SLC10A7: variants seen among roughly 807,000 people sequenced by gnomAD.
SLC10A7 encodes the protein solute carrier family 10 member 7.
SLC10A7 carries 29 observed loss-of-function variants against 43.2 expected under a neutral mutation model. That is an observed-to-expected ratio of 0.67 (90% CI 0.50 to 0.92). The LOEUF (loss-of-function observed/expected upper bound fraction) is 0.92, where lower values mean the gene tolerates loss of function less well. SLC10A7 is among the 40% of genes least tolerant of loss of function. SLC10A7 has a pLI of 0.00. For synonymous variants in SLC10A7, 152 were observed against 144.8 expected, an observed-to-expected ratio of 1.05 and a Z score of -0.35; for missense variants, 295 against 403.2, an observed-to-expected ratio of 0.73 and a Z score of 2.30.
Position 146,521,884 on chromosome 4 carries a change from C to T in SLC10A7, c.-167G>A, listed in dbSNP as rs1043122509. 1.7e-6 allele frequency: 1 copy of T among 601,160 alleles called. No homozygotes were observed. Among genetic ancestry groups the T allele is most frequent in the East Asian group, 2.9e-5 (1 of 34,670 alleles). 37.2% of individuals were successfully genotyped at this position (601,160 alleles called of 1,614,324 possible). ...AGTAAAGACCTGGGGGTTGCTCCGG[C>T]GGCTTTGAGGAGGGTTGGGAGTAGT... On this transcript the variant is annotated 5_prime_UTR_variant, in exon 1 of 12. Coordinates refer to ENST00000335472, the MANE Select transcript of SLC10A7 (RefSeq NM_001029998.6).
At chr4:146,510,274 T>G (rs1342356642) in intron 2 of SLC10A7, among the ~76,000 whole-genome samples, 1 of 151,886 alleles carries the variant, frequency 6.6e-6, no homozygotes, top group East Asian at 1.9e-4. Context: ...TTTTTTTTTT[T>G]TTTGAGATGG....
At chr4:146,508,272 T>C (rs1737114243) in intron 3 of SLC10A7, among the ~76,000 whole-genome samples, 2 of 152,214 alleles carry the variant, frequency 1.3e-5, no homozygotes, top group Admixed American at 6.5e-5. Flanking sequence ...TACATATATA[T>C]GTCCTTTATA....
At chr4:146,455,254 A>G (rs1731945185) in intron 4 of SLC10A7, among the ~76,000 whole-genome samples, 1 of 151,854 alleles carries the variant, frequency 6.6e-6, no homozygotes, top group African/African-American at 2.4e-5. Flanking sequence ...CAGCACAGAA[A>G]TTAACTTTAA....
intron 10 of SLC10A7, among the ~76,000 whole-genome samples, chr4:146,282,918 G>A (rs945592377): frequency 6.6e-6 from 1 of 152,068 alleles, no homozygotes; most frequent in Non-Finnish European, 1.5e-5. Context: ...CTGCTCTAAT[G>A]TTACATTCTA....
At chr4:146,463,206 G>T (rs892337290) in intron 4 of SLC10A7, among the ~76,000 whole-genome samples, 2 of 152,110 alleles carry the variant, frequency 1.3e-5, no homozygotes, top group African/African-American at 4.8e-5. Context: ...AAATACATGT[G>T]TCTATAAAAT....
rs200455318 is a variant in SLC10A7 at position 146,442,809 on chromosome 4, A to G, written c.409T>C (p.Phe137Leu). ...AAAAAACTTCCAAAGGCTGAATTAA[A>G]TATTGCAGCTGCCTATGAAGAAAAT... is the stretch of plus-strand genomic sequence containing the variant. ...AVGGNEAAAI[F>L]NSAFGSFLGI... Residue 137 changes from phenylalanine (F) to leucine (L), a missense_variant, in exon 5 of 12, where the codon TTT (phenylalanine) becomes CTT (leucine). Transcript: ENST00000335472. The G allele has an allele frequency of 6.3e-7, 1 of 1,594,566 alleles. No homozygotes were observed. The highest frequency in any genetic ancestry group is 1.4e-5 in the African/African-American group (1 of 73,818).
intron 5 of SLC10A7, among the ~76,000 whole-genome samples, chr4:146,356,530 A>G (rs991004676): frequency 2.6e-5 from 4 of 151,724 alleles, no homozygotes; most frequent in Non-Finnish European, 5.9e-5. Context: ...CACTTACTCA[A>G]GTCTCTTATA....
At chr4:146,261,935 A>C (rs1728255762) in intron 10 of SLC10A7, among the ~76,000 whole-genome samples, 1 of 152,112 alleles carries the variant, frequency 6.6e-6, no homozygotes, top group African/African-American at 2.4e-5. Flanking sequence ...GTTTTAGGAA[A>C]CTTTATTTTA....
At chr4:146,463,199 T>C (rs1024747415) in intron 4 of SLC10A7, among the ~76,000 whole-genome samples, 1 of 152,176 alleles carries the variant, frequency 6.6e-6, no homozygotes, top group South Asian at 2.1e-4. Flanking sequence ...ATTTATTAAA[T>C]ACATGTGTCT....
At chr4:146,520,777 C>T (rs1387107439) in intron 1 of SLC10A7, among the ~76,000 whole-genome samples, 1 of 151,984 alleles carries the variant, frequency 6.6e-6, no homozygotes, top group East Asian at 1.9e-4. Context: ...AAAAGACAAG[C>T]GAATTGAATA....
At chr4:146,498,102 C>T (rs540836658) in intron 4 of SLC10A7, among the ~76,000 whole-genome samples, 1 of 151,258 alleles carries the variant, frequency 6.6e-6, no homozygotes, top group Non-Finnish European at 1.5e-5. Context: ...TAGGATTCAC[C>T]AACTCTTATT....
At chr4:146,420,543 G>A (rs556048270) in intron 5 of SLC10A7, among the ~76,000 whole-genome samples, 2 of 152,220 alleles carry the variant, frequency 1.3e-5, no homozygotes, top group Admixed American at 6.5e-5. Context: ...GAAAGTGGAT[G>A]GAAATGTAGA....
intron 4 of SLC10A7, among the ~76,000 whole-genome samples, chr4:146,493,572 T>C (rs949223382): frequency 6.6e-6 from 1 of 152,126 alleles, no homozygotes; most frequent in African/African-American, 2.4e-5. Flanking sequence ...TTCATTGGAA[T>C]GGAGCTGGGA....
intron 5 of SLC10A7, among the ~76,000 whole-genome samples, chr4:146,425,294 G>A (rs1021631819): frequency 3.9e-5 from 6 of 152,040 alleles, no homozygotes; most frequent in Non-Finnish European, 5.9e-5. Flanking sequence ...ATAATTAAAC[G>A]GATTAAATAT....
At chr4:146,358,482 T>A (rs1024996521) in intron 5 of SLC10A7, among the ~76,000 whole-genome samples, 1 of 152,150 alleles carries the variant, frequency 6.6e-6, no homozygotes, top group Non-Finnish European at 1.5e-5. Context: ...CAAATCCAAA[T>A]ATAAAACATT....
At chr4:146,362,585 A>T (rs1192824148) in intron 5 of SLC10A7, among the ~76,000 whole-genome samples, 1 of 152,154 alleles carries the variant, frequency 6.6e-6, no homozygotes, top group African/African-American at 2.4e-5. Context: ...TAAACCACTC[A>T]TATCTTCAGT....
intron 4 of SLC10A7, among the ~76,000 whole-genome samples, chr4:146,471,726 A>T (rs1733588776): frequency 6.6e-6 from 1 of 152,182 alleles, no homozygotes; most frequent in Non-Finnish European, 1.5e-5. Flanking sequence ...TCCATTTAAA[A>T]TTCATATTAT....
In SLC10A7 at chr4:146,507,767, CA is replaced by C. The variant is rs559811488; in HGVS notation, c.320+2145del. On this transcript the variant is annotated intron_variant, in intron 3 of 11. Transcript: ENST00000335472. The stretch of plus-strand genomic sequence containing the variant: ...GCATGTGCTCAGAACATCTTTATTT[CA>C]ACAACTTAAACATGATTATGCAATC... Among the ~76,000 whole-genome samples the C allele has an allele frequency of 1.4e-3, 210 of 152,210 alleles. 1 individual carries two copies. Among genetic ancestry groups the C allele is most frequent in the African/African-American group, 5.0e-3 (207 of 41,504 alleles).
intron 5 of SLC10A7, among the ~76,000 whole-genome samples, chr4:146,435,875 A>G (rs1316051920): frequency 6.6e-6 from 1 of 152,110 alleles, no homozygotes; most frequent in African/African-American, 2.4e-5. Context: ...TTTTTACTCA[A>G]ATGAGTATAG....
Sources: gnomAD v4.1 joint callset for allele counts (sites outside exome capture counted in the v4.1 genomes callset) on GRCh38, gnomAD v4.1.1 for gene constraint, MANE v1.5 for transcripts, NCBI Gene and HGNC (gene_info 2026-07-23, HGNC 2026-07-21) for gene names.